MAP2K3: variants seen among roughly 807,000 people sequenced by gnomAD.
MAP2K3 encodes mitogen-activated protein kinase kinase 3.
In MAP2K3, 30 loss-of-function variants were observed where a neutral mutation model predicts 46.4. That is an observed-to-expected ratio of 0.65 (90% CI 0.48 to 0.88). The LOEUF (loss-of-function observed/expected upper bound fraction) is 0.88, where lower values mean the gene tolerates loss of function less well. Among genes scored for constraint, MAP2K3 ranks in the 40% least tolerant of loss-of-function variants. The pLI is 0.00. For synonymous variants in MAP2K3, 189 were observed against 176.3 expected (o/e 1.07, Z -0.57); for missense variants, 380 against 464.5 (o/e 0.82, Z 1.67).
intron 7 of MAP2K3, among the ~76,000 whole-genome samples, chr17:21,303,709 G>A (rs1465909031): frequency 1.3e-5 from 2 of 152,312 alleles, no homozygotes; most frequent in Admixed American, 6.5e-5. Context: ...TGATGTTTCT[G>A]GACCCACCTG....
intron 1 of MAP2K3, among the ~76,000 whole-genome samples, chr17:21,285,796 C>T (rs1975707259): frequency 6.6e-6 from 1 of 152,210 alleles, no homozygotes; most frequent in African/African-American, 2.4e-5. Flanking sequence ...AAGGGATTTG[C>T]TCTTCTCCAA....
At chr17:21,299,051 G>A in intron 3 of MAP2K3, 125 bp downstream of exon 3, 1 of 1,433,806 alleles carries the variant, frequency 7.0e-7, no homozygotes, top group Non-Finnish European at 9.8e-7. Context: ...CTCTGGAGAA[G>A]AGCCTCGTCC....
intron 9 of MAP2K3, among the ~76,000 whole-genome samples, chr17:21,307,100 G>C (rs1180965652): frequency 6.6e-6 from 1 of 152,306 alleles, no homozygotes; most frequent in Non-Finnish European, 1.5e-5. Flanking sequence ...TTTTTATAGA[G>C]CACAGTCTCC....
intron 1 of MAP2K3, among the ~76,000 whole-genome samples, chr17:21,298,111 T>A (rs1976364215): frequency 3.3e-5 from 5 of 152,310 alleles, no homozygotes; most frequent in Non-Finnish European, 4.4e-5. Flanking sequence ...TGAGGACACC[T>A]CACAGATGGG....
Position 21,314,318 on chromosome 17 carries a change from C to G in MAP2K3, c.*88C>G, listed in dbSNP as rs1977308199. Reference sequence around the variant, plus strand: ...TGCTCACCCACACCATAAGCTACTGCCATCCTGGCCCAGGGCATCTGGGAG... The same window carrying G: ...TGCTCACCCACACCATAAGCTACTGGCATCCTGGCCCAGGGCATCTGGGAG... On this transcript the variant is annotated 3_prime_UTR_variant, in exon 12 of 12. Coordinates refer to ENST00000342679, the MANE Select transcript of MAP2K3 (RefSeq NM_145109.3). 8.4e-7 allele frequency: 1 copy of G among 1,185,696 alleles called. No individual in the cohort carries two copies. Among genetic ancestry groups the G allele is most frequent in the Non-Finnish European group, 1.2e-6 (1 of 801,508 alleles). The allele number at this position is 1,185,696 out of a possible 1,614,324, so 73.4% of individuals were successfully genotyped here. A position where few individuals can be genotyped will look rare whatever the true frequency, so the allele number is the denominator to read the frequency against.
At chr17:21,308,924 C>G (rs572743948) in intron 9 of MAP2K3, among the ~76,000 whole-genome samples, 28 of 152,408 alleles carry the variant, frequency 1.8e-4, no homozygotes, top group Middle Eastern at 3.4e-3. Flanking sequence ...TTTCAGTTAT[C>G]AAATATTGCA....
chr17:21,302,012 A>G, intron 5 of MAP2K3, 131 bp from the exon 6 acceptor site: 1 of 882,734 alleles, frequency 1.1e-6, no homozygotes, highest in South Asian at 1.5e-5. Context: ...GAGCCCGGTG[A>G]ACTGTGGCTG....
In MAP2K3 at chr17:21,314,252, T is replaced by C. The variant is rs1463883024; in HGVS notation, c.*22T>C. 4 of 1,602,442 alleles carry C rather than the reference T, an allele frequency of 2.5e-6. No individual in the cohort carries two copies. Among genetic ancestry groups the C allele is most frequent in the East Asian group, 2.2e-5 (1 of 44,826 alleles). On this transcript the variant is annotated 3_prime_UTR_variant, in exon 12 of 12. Transcript: ENST00000342679. Reference sequence around the variant, plus strand: ...ATAGGGGCTGGGCCTCGGACCCCACTCCGGCCCTCCAGAGCCCCACAGCCC... The same window carrying C: ...ATAGGGGCTGGGCCTCGGACCCCACCCCGGCCCTCCAGAGCCCCACAGCCC...
Position 21,314,391 on chromosome 17 carries a change from C to A in MAP2K3, c.*161C>A. 1 of 666,698 alleles carries A rather than the reference C, an allele frequency of 1.5e-6. No individual in the cohort carries two copies. The highest frequency in any genetic ancestry group is 2.6e-6 in the Non-Finnish European group (1 of 383,738). 41.3% of individuals were successfully genotyped at this position (666,698 alleles called of 1,614,324 possible). On this transcript the variant is annotated 3_prime_UTR_variant, in exon 12 of 12. Coordinates refer to ENST00000342679, the MANE Select transcript of MAP2K3 (RefSeq NM_145109.3). ...CTGGCTCTGTGGCGAGCCATTTGTCCCAAGTGCCAAAGAAGCAGACCATTG... is the reference window on the plus strand; with the variant it reads ...CTGGCTCTGTGGCGAGCCATTTGTCACAAGTGCCAAAGAAGCAGACCATTG...
Position 21,314,340 on chromosome 17 carries a change from G to A in MAP2K3, c.*110G>A. The A allele has an allele frequency of 9.8e-7, 1 of 1,021,250 alleles. No homozygotes were observed. The highest frequency in any genetic ancestry group is 1.3e-5 in the South Asian group (1 of 77,110). 63.3% of individuals were successfully genotyped at this position (1,021,250 alleles called of 1,614,324 possible). On this transcript the variant is annotated 3_prime_UTR_variant, in exon 12 of 12. Transcript: ENST00000342679. The stretch of plus-strand genomic sequence containing the variant: ...CTGCCATCCTGGCCCAGGGCATCTG[G>A]GAGGAACCGAGGGGGCTGCTCCCAC...
At chr17:21,303,338 A>T in intron 7 of MAP2K3, 104 bp downstream of exon 7, 1 of 1,515,776 alleles carries the variant, frequency 6.6e-7, no homozygotes, top group Non-Finnish European at 9.0e-7. Flanking sequence ...CCGAGAGGTG[A>T]TAGGTTGTGA....
At position 21,302,193 on chromosome 17, in the gene MAP2K3, C is replaced by A; in HGVS notation, c.450C>A (p.Phe150Leu). Residue 150 changes from phenylalanine to leucine, a missense_variant, in exon 6 of 12, where the codon TTC becomes TTA. By Grantham distance (22) the Phe-to-Leu change is conservative (BLOSUM62 0). Around this residue, in one of 5 missense-constraint regions of MAP2K3, gnomAD observed 294 missense variants for 275.4 expected, o/e 1.07. Coordinates refer to ENST00000342679, the MANE Select transcript of MAP2K3 (RefSeq NM_145109.3). Reference sequence around the variant, plus strand: ...TCATGGACACATCCTTGGACAAGTTCTACCGGAAGGTGCTGGATAAAAACA... The same window carrying A: ...TCATGGACACATCCTTGGACAAGTTATACCGGAAGGTGCTGGATAAAAACA... ...MELMDTSLDK[F>L]YRKVLDKNMT... is the part of the protein sequence containing the mutation. The A allele has an allele frequency of 6.3e-7, 1 of 1,599,552 alleles. No individual in the cohort carries two copies.
At chr17:21,291,509 T>TG (rs1210432900) in intron 1 of MAP2K3, 1 of 456,522 alleles carries the variant, frequency 2.2e-6, no homozygotes, top group African/African-American at 2.0e-5. Context: ...CGGGCCCACG[T>TG]GGGGACCTTT....
chr17:21,299,023 G>A (rs2144552321), intron 3 of MAP2K3, 97 bp downstream of exon 3: 2 of 1,526,006 alleles, frequency 1.3e-6, no homozygotes, highest in Admixed American at 1.7e-5. Context: ...GGTGACTGAG[G>A]GGTCAGAGAG....
intron 1 of MAP2K3, among the ~76,000 whole-genome samples, chr17:21,286,786 A>G (rs1303270633): frequency 6.6e-6 from 1 of 152,174 alleles, no homozygotes; most frequent in Non-Finnish European, 1.5e-5. Flanking sequence ...GGCCAAAATG[A>G]ACTTCTAGAT....
chr17:21,301,551 C>T (rs1268291191), intron 5 of MAP2K3, among the ~76,000 whole-genome samples: 6 of 152,308 alleles, frequency 3.9e-5, no homozygotes, highest in Non-Finnish European at 5.9e-5. Flanking sequence ...AGGGTCAGGG[C>T]ATCTGAGTCC....
intron 1 of MAP2K3, chr17:21,295,642 G>T: frequency 7.8e-7 from 1 of 1,289,326 alleles, no homozygotes. Flanking sequence ...GGAGCCTGTG[G>T]CCCTCCTGAT....
At chr17:21,309,186 C>G (rs1433661004) in intron 9 of MAP2K3, among the ~76,000 whole-genome samples, 1 of 152,428 alleles carries the variant, frequency 6.6e-6, no homozygotes, top group Middle Eastern at 3.4e-3. Flanking sequence ...GCAGTGTCAG[C>G]AGAGTTGGAG....
rs1976393555 is a variant in MAP2K3, at chr17:21,298,473, A to G, written c.110A>G (p.Asn37Ser). ...TGCATGTCCAAGCCACCCGCACCCA[A>G]CCCCACGTGAGTCTGCCTCAGTTTC... ...ISCMSKPPAPNPTPPRNLDSR... is the reference protein window; with the variant it reads ...ISCMSKPPAPSPTPPRNLDSR... The change falls in exon 2 of 12, where the codon AAC becomes AGC. Residue 37 changes from asparagine (N) to serine (S), a missense_variant. Coordinates refer to ENST00000342679, the MANE Select transcript of MAP2K3 (RefSeq NM_145109.3). 1 of 1,614,312 alleles carries G rather than the reference A, an allele frequency of 6.2e-7. No homozygotes were observed. The highest frequency in any genetic ancestry group is 2.2e-5 in the East Asian group (1 of 44,896).
Sources: gnomAD v4.1 joint callset for allele counts (sites outside exome capture counted in the v4.1 genomes callset) on GRCh38, gnomAD v4.1.1 for gene constraint, gnomAD v4.1.1 regional missense constraint, MANE v1.5 for transcripts, NCBI Gene and HGNC (gene_info 2026-07-23, HGNC 2026-07-21) for gene names.